CLVS1: variants seen among roughly 807,000 people sequenced by gnomAD.
CLVS1 encodes clavesin-1.
In CLVS1, 10 loss-of-function variants were observed where a neutral mutation model predicts 33.1. The ratio of observed to expected loss-of-function variants is 0.30; its 90% CI spans 0.19 to 0.51. The LOEUF (loss-of-function observed/expected upper bound fraction) is 0.51. Among genes scored for constraint, CLVS1 ranks in the 20% least tolerant of loss-of-function variants. The probability of loss-of-function intolerance (pLI) is 0.97; values close to 1 mark genes in which losing one functional copy is unlikely to be tolerated. For synonymous variants in CLVS1, 163 were observed against 166.1 expected (o/e 0.98, Z 0.14); for missense variants, 343 against 433.4 (o/e 0.79, Z 1.85).
the CLVS1 span, among the ~76,000 whole-genome samples, chr8:60,992,267 G>A: frequency 1.3e-5 from 2 of 152,184 alleles, no homozygotes; most frequent in Non-Finnish European, 2.9e-5. Flanking sequence ...GCACAGTTAT[G>A]TCTCGTTTTT....
intron 5 of CLVS1, among the ~76,000 whole-genome samples, chr8:61,475,977 G>A (rs866845130): frequency 7.9e-5 from 12 of 152,240 alleles, no homozygotes; most frequent in East Asian, 1.9e-4. Flanking sequence ...TTTTGTATAA[G>A]GTGTAAGGAA....
chr8:61,458,713 G>A (rs1355251628), intron 5 of CLVS1, 171 bp downstream of exon 5: 2 of 563,162 alleles, frequency 3.6e-6, no homozygotes, highest in East Asian at 5.9e-5. Context: ...AATGGGGCTT[G>A]GCTGGCCCAG....
At chr8:60,998,375 G>A in the CLVS1 span, among the ~76,000 whole-genome samples, 1 of 152,238 alleles carries the variant, frequency 6.6e-6, no homozygotes, top group East Asian at 1.9e-4. Flanking sequence ...TGATTCCACT[G>A]CCACAATGTC....
At chr8:61,001,791 T>C in the CLVS1 span, among the ~76,000 whole-genome samples, 1 of 152,256 alleles carries the variant, frequency 6.6e-6, no homozygotes, top group Non-Finnish European at 1.5e-5. Context: ...CGCAGTGCTT[T>C]GCCCCTCTGG....
chr8:61,489,079 T>G (rs1041079176), intron 5 of CLVS1, among the ~76,000 whole-genome samples: 1 of 152,226 alleles, frequency 6.6e-6, no homozygotes, highest in African/African-American at 2.4e-5. Flanking sequence ...TGCTGGTGAT[T>G]AGGGATAAAG....
intron 2 of CLVS1, among the ~76,000 whole-genome samples, chr8:61,304,287 A>G: frequency 6.6e-6 from 1 of 152,246 alleles, no homozygotes. Flanking sequence ...GGGAAACACT[A>G]TCCCGTGAGG....
At chr8:61,131,734 T>C (rs1806102359) in intron 1 of CLVS1, 1 of 152,044 alleles carries the variant, frequency 6.6e-6, no homozygotes, top group South Asian at 2.1e-4. Context: ...TGCTGTTTTT[T>C]AAAATCCAGA....
At chr8:60,982,192 TA>T in the CLVS1 span, among the ~76,000 whole-genome samples, 1 of 152,230 alleles carries the variant, frequency 6.6e-6, no homozygotes, top group Non-Finnish European at 1.5e-5. Context: ...TAAATCACAA[TA>T]AAAATAATTT....
intron 3 of CLVS1, among the ~76,000 whole-genome samples, chr8:61,405,379 A>G (rs1022168818): frequency 1.3e-5 from 2 of 152,214 alleles, no homozygotes; most frequent in African/African-American, 4.8e-5. Context: ...TCCCAATTCA[A>G]GCCATTACAC....
upstream of CLVS1, among the ~76,000 whole-genome samples, chr8:61,052,495 AGG>A (rs1161337202): frequency 9.4e-5 from 3 of 31,992 alleles, no homozygotes; most frequent in African/African-American, 9.2e-4. Context: ...AGACCCAGGG[AGG>A]GAGTCATGCC....
At chr8:61,423,735 T>C (rs1815772549) in intron 3 of CLVS1, among the ~76,000 whole-genome samples, 1 of 152,194 alleles carries the variant, frequency 6.6e-6, no homozygotes, top group South Asian at 2.1e-4. Context: ...ATAGATTTTA[T>C]GCAGATTCTT....
chr8:61,343,635 A>G (rs2129598378), intron 2 of CLVS1, among the ~76,000 whole-genome samples: 1 of 152,322 alleles, frequency 6.6e-6, no homozygotes, highest in Middle Eastern at 3.4e-3. Flanking sequence ...ATGTTAGCCT[A>G]AAGTCAACAG....
intron 5 of CLVS1, among the ~76,000 whole-genome samples, chr8:61,461,407 C>T (rs556131479): frequency 2.2e-4 from 33 of 152,270 alleles, no homozygotes; most frequent in South Asian, 4.2e-4. Flanking sequence ...TCTTGTCAAA[C>T]CTGATGTTTC....
At chr8:61,096,242 A>G (rs550440232) in intron 1 of CLVS1, among the ~76,000 whole-genome samples, 8 of 152,218 alleles carry the variant, frequency 5.3e-5, no homozygotes, top group Non-Finnish European at 8.8e-5. Flanking sequence ...GCCGCCATTG[A>G]CTTGTGGATG....
chr8:60,974,410 T>C, the CLVS1 span, among the ~76,000 whole-genome samples: 3 of 152,226 alleles, frequency 2.0e-5, no homozygotes, highest in Non-Finnish European at 2.9e-5. Flanking sequence ...TCCCACAGGG[T>C]ACTTCCTTTG....
At chr8:61,046,312 T>C in the CLVS1 span, among the ~76,000 whole-genome samples, 1 of 146,628 alleles carries the variant, frequency 6.8e-6, no homozygotes, top group Admixed American at 6.7e-5. Context: ...TATGCGGCAT[T>C]ATTTCTGAGG....
chr8:61,398,015 G>A (rs1010246826), intron 3 of CLVS1, among the ~76,000 whole-genome samples: 2 of 152,150 alleles, frequency 1.3e-5, no homozygotes, highest in African/African-American at 2.4e-5. Flanking sequence ...TTAAGGATTA[G>A]CTTGTCAATT....
chr8:61,338,173 C>T (rs1431643030), intron 2 of CLVS1, among the ~76,000 whole-genome samples: 1 of 152,134 alleles, frequency 6.6e-6, no homozygotes, highest in African/African-American at 2.4e-5. Context: ...CCTACAATGC[C>T]AGACACAGAG....
At chr8:61,427,017 C>T (rs904108116) in intron 3 of CLVS1, among the ~76,000 whole-genome samples, 1 of 152,174 alleles carries the variant, frequency 6.6e-6, no homozygotes, top group Non-Finnish European at 1.5e-5. Context: ...ATTATGTAAA[C>T]CAGACAACTC....
Sources: gnomAD v4.1 joint callset for allele counts (sites outside exome capture counted in the v4.1 genomes callset) on GRCh38, gnomAD v4.1.1 for gene constraint, MANE v1.5 for transcripts, NCBI Gene and HGNC (gene_info 2026-07-23, HGNC 2026-07-21) for gene names.